Variants in UBTD2 observed in about 807,000 individuals in gnomAD.
UBTD2 encodes the protein ubiquitin domain-containing protein 2.
In UBTD2, 9 loss-of-function variants were observed where a neutral mutation model predicts 19.8. The observed-to-expected ratio is 0.46, with a 90% CI of 0.27 to 0.79. The LOEUF (loss-of-function observed/expected upper bound fraction) is 0.79, where lower values mean the gene tolerates loss of function less well. Ranked by LOEUF, UBTD2 falls within the 30% of genes least tolerant of loss-of-function variation. UBTD2 has a pLI of 0.14. For synonymous variants in UBTD2, 98 were observed against 103.9 expected (o/e 0.94, Z 0.35); for missense variants, 250 against 300.4 (o/e 0.83, Z 1.24).
chr5:172,215,044 A>C (rs762777024), intron 2 of UBTD2, among the ~76,000 whole-genome samples: 7 of 152,200 alleles, frequency 4.6e-5, no homozygotes, highest in Non-Finnish European at 1.0e-4. Context: ...GACACCCAGG[A>C]GCTGAAATCT....
intron 2 of UBTD2, among the ~76,000 whole-genome samples, chr5:172,221,879 T>A (rs1467919249): frequency 6.6e-6 from 1 of 152,110 alleles, no homozygotes; most frequent in African/African-American, 2.4e-5. Flanking sequence ...CAATGTAGGT[T>A]CATTTATTTT....
intron 1 of UBTD2, among the ~76,000 whole-genome samples, chr5:172,237,025 C>T (rs1451773070): frequency 6.6e-6 from 1 of 152,192 alleles, no homozygotes; most frequent in Non-Finnish European, 1.5e-5. Flanking sequence ...CAAAGTCCCA[C>T]AAAAAGAACA....
chr5:172,234,361 GA>G lies in UBTD2; in HGVS notation c.71-4del. ...AGGCTGGTTACGACCTAGAGCAACT[GA>G]AAAGAAAAATAAAAGACTGAGATCA... is the stretch of plus-strand genomic sequence containing the variant. On this transcript the variant is annotated splice_polypyrimidine_tract_variant and splice_region_variant and intron_variant, in intron 1 of 2. Coordinates refer to ENST00000393792, the MANE Select transcript of UBTD2 (RefSeq NM_152277.3). 1 of 1,612,092 alleles carries G rather than the reference GA, an allele frequency of 6.2e-7. No homozygotes were observed. The highest frequency in any genetic ancestry group is 8.5e-7 in the Non-Finnish European group (1 of 1,178,914).
chr5:172,222,902 A>G (rs772305660), intron 2 of UBTD2, among the ~76,000 whole-genome samples: 2 of 152,204 alleles, frequency 1.3e-5, no homozygotes, highest in Non-Finnish European at 2.9e-5. Context: ...TGCCTTTTTT[A>G]TGCTACTGGA....
At chr5:172,231,145 T>C (rs1771886701) in intron 2 of UBTD2, among the ~76,000 whole-genome samples, 1 of 152,216 alleles carries the variant, frequency 6.6e-6, no homozygotes, top group Admixed American at 6.5e-5. Flanking sequence ...GCAATACCAC[T>C]AAGCCAGTCT....
chr5:172,265,022 C>T (rs915691449), intron 1 of UBTD2, among the ~76,000 whole-genome samples: 2 of 152,346 alleles, frequency 1.3e-5, no homozygotes, highest in Non-Finnish European at 1.5e-5. Context: ...AAGCACAGAT[C>T]AGCCCAAGGG....
Position 172,240,952 on chromosome 5 carries a change from A to G in UBTD2, c.71-6594T>C, listed in dbSNP as rs186537330. Among the ~76,000 whole-genome samples the G allele has an allele frequency of 3.9e-5, 6 of 152,200 alleles. No individual in the cohort carries two copies. In the East Asian group the frequency reaches 1.2e-3, roughly 29 times the overall value. Reference sequence around the variant, plus strand: ...AATACATATATATAAATAAAAGAATATGATCACCTAACATGAGACCACTGC... The same window carrying G: ...AATACATATATATAAATAAAAGAATGTGATCACCTAACATGAGACCACTGC... On this transcript the variant is annotated intron_variant, in intron 1 of 2. Coordinates refer to ENST00000393792, the MANE Select transcript of UBTD2 (RefSeq NM_152277.3).
At chr5:172,260,360 T>C (rs1408833656) in intron 1 of UBTD2, among the ~76,000 whole-genome samples, 2 of 152,148 alleles carry the variant, frequency 1.3e-5, no homozygotes, top group African/African-American at 4.8e-5. Context: ...ATAAGACTGT[T>C]AGTATCCATC....
intron 1 of UBTD2, among the ~76,000 whole-genome samples, chr5:172,250,803 T>C (rs1049537030): frequency 3.3e-5 from 5 of 151,678 alleles, no homozygotes; most frequent in African/African-American, 1.2e-4. Context: ...CATGGTGGCA[T>C]GCACCTGTAG....
intron 1 of UBTD2, among the ~76,000 whole-genome samples, chr5:172,257,159 G>A (rs1261301164): frequency 6.6e-6 from 1 of 152,108 alleles, no homozygotes; most frequent in Non-Finnish European, 1.5e-5. Context: ...CCCTCAAGGA[G>A]GTCCCAGTGA....
chr5:172,235,945 T>C (rs1201820903), intron 1 of UBTD2, among the ~76,000 whole-genome samples: 1 of 152,192 alleles, frequency 6.6e-6, no homozygotes, highest in Non-Finnish European at 1.5e-5. Flanking sequence ...TATATTTAAT[T>C]GCAGAAAGAA....
intron 1 of UBTD2, among the ~76,000 whole-genome samples, chr5:172,236,198 C>T (rs1274440419): frequency 6.6e-6 from 1 of 152,242 alleles, no homozygotes; most frequent in Non-Finnish European, 1.5e-5. Flanking sequence ...CCACTTAAAA[C>T]ACTCAGCATT....
At chr5:172,272,315 G>A (rs1755506687) in intron 1 of UBTD2, among the ~76,000 whole-genome samples, 1 of 152,158 alleles carries the variant, frequency 6.6e-6, no homozygotes, top group Non-Finnish European at 1.5e-5. Flanking sequence ...AAGTACATAT[G>A]CATTAGTAAA....
intron 2 of UBTD2, among the ~76,000 whole-genome samples, chr5:172,216,609 A>T (rs1771547471): frequency 6.7e-6 from 1 of 149,478 alleles, no homozygotes; most frequent in African/African-American, 2.4e-5. Flanking sequence ...AAAAAAAAAA[A>T]AAAAAAAAAA....
chr5:172,231,401 T>C (rs995172190), intron 2 of UBTD2, among the ~76,000 whole-genome samples: 1 of 152,150 alleles, frequency 6.6e-6, no homozygotes, highest in African/African-American at 2.4e-5. Flanking sequence ...AGAAGGCAAA[T>C]AGAGGGTCAT....
At chr5:172,274,300 C>G (rs1024957272) in intron 1 of UBTD2, among the ~76,000 whole-genome samples, 8 of 151,970 alleles carry the variant, frequency 5.3e-5, no homozygotes, top group Non-Finnish European at 1.2e-4. Flanking sequence ...GCCACCATGC[C>G]CAGCTAATTT....
intron 1 of UBTD2, among the ~76,000 whole-genome samples, chr5:172,253,772 AT>A (rs372938252): frequency 6.6e-6 from 1 of 151,754 alleles, no homozygotes; most frequent in South Asian, 2.1e-4. Flanking sequence ...GAATTCTTAA[AT>A]TTTTTTTATT....
chr5:172,211,755 C>T lies in UBTD2; in HGVS notation c.*75G>A. ...TTAGAGCAGTGAAATAGATTTCACG[C>T]CGCAGAGTAGGAAATGACAACAAGA... On this transcript the variant is annotated 3_prime_UTR_variant, in exon 3 of 3. Transcript: ENST00000393792. The T allele has an allele frequency of 6.9e-7, 1 of 1,457,474 alleles. No individual in the cohort carries two copies. The highest frequency in any genetic ancestry group is 1.4e-5 in the African/African-American group (1 of 70,948). The allele number at this position is 1,457,474 out of a possible 1,614,324, so 90.3% of individuals were successfully genotyped here. A position where few individuals can be genotyped will look rare whatever the true frequency, so the allele number is the denominator to read the frequency against.
intron 1 of UBTD2, among the ~76,000 whole-genome samples, chr5:172,275,184 A>C (rs1016323154): frequency 6.6e-6 from 1 of 152,228 alleles, no homozygotes; most frequent in African/African-American, 2.4e-5. Context: ...GGCAGGAGGA[A>C]GAAGTGCCGA....
Sources: allele counts gnomAD v4.1 joint callset (sites outside exome capture counted in the v4.1 genomes callset), GRCh38; gene constraint gnomAD v4.1.1; transcripts MANE v1.5; gene names NCBI Gene and HGNC (gene_info 2026-07-23, HGNC 2026-07-21).